TFCP2: variants seen among roughly 807,000 people sequenced by gnomAD.
TFCP2 encodes alpha-globin transcription factor CP2.
In TFCP2, 33 loss-of-function variants were observed where a neutral mutation model predicts 73.4. The observed-to-expected ratio is 0.45, with a 90% CI of 0.34 to 0.60. The LOEUF is 0.60. TFCP2 is among the 20% of genes least tolerant of loss of function. The pLI is 0.01. For missense variants in TFCP2, 352 were observed against 604.0 expected (o/e 0.58, Z 4.37); for synonymous variants, 193 against 211.6 (o/e 0.91, Z 0.76).
At chr12:51,144,592 A>G (rs1191823514) in intron 1 of TFCP2, among the ~76,000 whole-genome samples, 5 of 152,256 alleles carry the variant, frequency 3.3e-5, no homozygotes. Context: ...TTTTCAATAA[A>G]TTATGCTGGA....
At chr12:51,141,726 C>G (rs1326749951) in intron 1 of TFCP2, among the ~76,000 whole-genome samples, 1 of 150,668 alleles carries the variant, frequency 6.6e-6, no homozygotes, top group East Asian at 1.9e-4. Flanking sequence ...ATAGTGAAAA[C>G]TCATCTCTAC....
chr12:51,156,091 A>G (rs1441726735), intron 1 of TFCP2, among the ~76,000 whole-genome samples: 2 of 152,010 alleles, frequency 1.3e-5, no homozygotes, highest in Non-Finnish European at 2.9e-5. Flanking sequence ...ATTAGTCCAT[A>G]GATTTCTTAT....
intron 1 of TFCP2, among the ~76,000 whole-genome samples, chr12:51,128,498 A>AAAAAAC (rs1555253519): frequency 3.5e-4 from 52 of 149,032 alleles, no homozygotes; most frequent in East Asian, 1.2e-3. Flanking sequence ...AAAAACAAAA[A>AAAAAAC]AAACAAACTA....
At chr12:51,104,037 G>C in intron 9 of TFCP2, 118 bp downstream of exon 9, 3 of 1,058,888 alleles carry the variant, frequency 2.8e-6, no homozygotes, top group African/African-American at 1.6e-5. Flanking sequence ...TTCAATAAAT[G>C]TTTGTTTAAT....
intron 4 of TFCP2, among the ~76,000 whole-genome samples, chr12:51,114,879 T>C (rs966188696): frequency 3.3e-5 from 5 of 151,400 alleles, no homozygotes; most frequent in African/African-American, 1.2e-4. Context: ...CTGGCCAACA[T>C]GGTGAAACCC....
chr12:51,136,440 C>A (rs958440552), intron 1 of TFCP2, among the ~76,000 whole-genome samples: 2 of 152,206 alleles, frequency 1.3e-5, no homozygotes, highest in Admixed American at 1.3e-4. Flanking sequence ...CCTCTCCAGT[C>A]TTTACAGTAT....
chr12:51,165,846 C>T (rs1005766278), intron 1 of TFCP2, among the ~76,000 whole-genome samples: 3 of 152,128 alleles, frequency 2.0e-5, no homozygotes, highest in South Asian at 2.1e-4. Context: ...AACACTAAAA[C>T]GGCATTTATG....
intron 1 of TFCP2, among the ~76,000 whole-genome samples, chr12:51,141,139 C>T (rs1363927523): frequency 6.7e-6 from 1 of 150,344 alleles, no homozygotes; most frequent in African/African-American, 2.4e-5. Context: ...ACCATCTTGC[C>T]TAGGATGGTC....
At chr12:51,142,907 C>T (rs995928701) in intron 1 of TFCP2, among the ~76,000 whole-genome samples, 14 of 152,136 alleles carry the variant, frequency 9.2e-5, no homozygotes, top group African/African-American at 3.4e-4. Flanking sequence ...TCAGTGGTCA[C>T]TTCTCAGGGC....
chr12:51,115,277 GC>G (rs1270621223), intron 4 of TFCP2, among the ~76,000 whole-genome samples: 27 of 151,808 alleles, frequency 1.8e-4, no homozygotes, highest in Middle Eastern at 6.8e-3. Flanking sequence ...CCGCCACCAC[GC>G]CCAGCTAATT....
chr12:51,164,597 G>A (rs11169728), intron 1 of TFCP2, among the ~76,000 whole-genome samples: 8,332 of 99,210 alleles, frequency 0.084, 479 homozygotes, highest in Admixed American at 0.23. Flanking sequence ...ACTCCATCTC[G>A]AAAAAAAAAA....
chr12:51,096,012 C>T lies in TFCP2; in HGVS notation c.1448G>A (p.Cys483Tyr). Residue 483 changes from cysteine (C) to tyrosine (Y), a missense_variant, in exon 14 of 15, where the codon TGT becomes TAT. This residue lies in a region of TFCP2 where 194 missense variants were observed against 256.3 expected (regional missense o/e 0.76). Transcript: ENST00000257915. ...EMIQNFQEEA[C>Y]FILDTMKAET... ...ACCTTTCATTGTGTCCAGAATAAAA[C>T]ATGCTTCTTCCTGAAAGTTCTGTAT... 1 of 1,613,148 alleles carries T rather than the reference C, an allele frequency of 6.2e-7. No individual in the cohort carries two copies.
intron 4 of TFCP2, among the ~76,000 whole-genome samples, chr12:51,112,433 T>A (rs1472404494): frequency 3.3e-5 from 5 of 152,364 alleles, no homozygotes; most frequent in African/African-American, 1.2e-4. Context: ...TAATTTATAA[T>A]CTATTTCAAC....
intron 1 of TFCP2, chr12:51,124,808 C>G (rs772328708): frequency 1.7e-5 from 18 of 1,034,616 alleles, no homozygotes; most frequent in Non-Finnish European, 2.6e-5. Context: ...GCTGCTCAGC[C>G]TTTTCCTTCA....
In TFCP2 at chr12:51,099,708, T is replaced by C; in HGVS notation, c.1223A>G (p.Gln408Arg). Residue 408 changes from glutamine to arginine, a missense_variant, in exon 12 of 15, where the codon CAG becomes CGG. Coordinates refer to ENST00000257915, the MANE Select transcript of TFCP2 (RefSeq NM_005653.5). ...SLQLREQQQQ[Q>R]QQQQQKHEDG... Reference sequence around the variant, plus strand: ...CTCATGCTTCTGCTGCTGTTGCTGCTGCTGTTGTTGCTGCTCCCTCAACTG... The same window carrying C: ...CTCATGCTTCTGCTGCTGTTGCTGCCGCTGTTGTTGCTGCTCCCTCAACTG... 1 of 1,614,216 alleles carries C rather than the reference T, an allele frequency of 6.2e-7. No individual in the cohort carries two copies. Among genetic ancestry groups the C allele is most frequent in the Non-Finnish European group, 8.5e-7 (1 of 1,180,036 alleles).
At chr12:51,109,306 C>T (rs1389589002) in intron 5 of TFCP2, 33 bp from the exon 6 acceptor site, 10 of 1,607,634 alleles carry the variant, frequency 6.2e-6, no homozygotes, top group East Asian at 2.2e-5. Flanking sequence ...GCTTCAGTAC[C>T]GCTAGCTAGC....
At chr12:51,102,590 G>C (rs989653757) in intron 10 of TFCP2, among the ~76,000 whole-genome samples, 1 of 151,972 alleles carries the variant, frequency 6.6e-6, no homozygotes, top group African/African-American at 2.4e-5. Context: ...GTCGGGTGTG[G>C]TGGTGGGTGC....
chr12:51,104,152 T>A lies in TFCP2; in HGVS notation c.966+3A>T, dbSNP rs1940175680. On this transcript the variant is annotated splice_donor_region_variant and intron_variant, in intron 9 of 14. Transcript: ENST00000257915. ...AGTAACTGACATTCAACTTTAGACT[T>A]ACATCTGTGACTGGAGGGGGTGGCT... 4.3e-6 allele frequency: 7 copies of A among 1,614,074 alleles called. No individual in the cohort carries two copies. The highest frequency in any genetic ancestry group is 5.9e-6 in the Non-Finnish European group (7 of 1,179,928).
chr12:51,127,746 G>A (rs1940845393), intron 1 of TFCP2, among the ~76,000 whole-genome samples: 1 of 152,278 alleles, frequency 6.6e-6, no homozygotes, highest in East Asian at 1.9e-4. Flanking sequence ...GACTGTCAAA[G>A]GGTGCCTATC....
Sources: gnomAD v4.1 joint callset for allele counts (sites outside exome capture counted in the v4.1 genomes callset) on GRCh38, gnomAD v4.1.1 for gene constraint, gnomAD v4.1.1 regional missense constraint, MANE v1.5 for transcripts, NCBI Gene and HGNC (gene_info 2026-07-23, HGNC 2026-07-21) for gene names.